Variants in RAD51B observed in about 807,000 individuals in gnomAD.
RAD51B encodes DNA repair protein RAD51 homolog 2.
In RAD51B, 38 loss-of-function variants were observed where a neutral mutation model predicts 42.2. The observed-to-expected ratio is 0.90, with a 90% CI of 0.70 to 1.18. The LOEUF (loss-of-function observed/expected upper bound fraction) is 1.18. Ranked by LOEUF, RAD51B falls within the 50% of genes most tolerant of loss-of-function variation. RAD51B has a pLI of 0.00. For missense variants in RAD51B, 373 were observed against 400.7 expected (o/e 0.93, Z 0.59); for synonymous variants, 154 against 145.2 (o/e 1.06, Z -0.43).
chr14:68,520,997 C>T (rs1886537692), intron 10 of RAD51B, among the ~76,000 whole-genome samples: 1 of 152,048 alleles, frequency 6.6e-6, no homozygotes, highest in African/African-American at 2.4e-5. Context: ...GGGGTAAGGG[C>T]ACATGGAGCG....
chr14:68,309,097 A>G (rs2081922638), intron 8 of RAD51B, among the ~76,000 whole-genome samples: 2 of 152,322 alleles, frequency 1.3e-5, no homozygotes, highest in Admixed American at 1.3e-4. Flanking sequence ...TGGGCGTTTC[A>G]TATTTATCTC....
Position 67,855,336 on chromosome 14 carries a change from T to C in RAD51B, c.316-9667T>C, listed in dbSNP as rs565970949. 1.8e-4 allele frequency among the ~76,000 whole-genome samples: 27 copies of C among 152,044 alleles called. No individual in the cohort carries two copies. The South Asian group carries it at 5.6e-3, about 32-fold the overall frequency. On this transcript the variant is annotated intron_variant, in intron 4 of 10. Coordinates refer to ENST00000471583, the MANE Select transcript of RAD51B (RefSeq NM_133510.4). ...AGCTCCGCCTCCCGGGTTCATGCCA[T>C]TCTCCTGCCTCAGCCTCCCCAGCAG...
In RAD51B at chr14:68,502,365, G is replaced by T. The variant is rs1871339960; in HGVS notation, c.1036+34115G>T. ...TGATCAAAGCCTGCTGCAGAAGGGA[G>T]GGGGGCGCACAGCTGCAGTTCCGAC... is the stretch of plus-strand genomic sequence containing the variant. On this transcript the variant is annotated intron_variant, in intron 10 of 10. Transcript: ENST00000487270. Among the ~76,000 whole-genome samples, 3 of 152,170 alleles carry T rather than the reference G, an allele frequency of 2.0e-5. No homozygotes were observed. The South Asian group carries it at 6.2e-4, about 32-fold the overall frequency.
chr14:68,425,975 T>TCTTTCTTTCTTTCTTTTTCTTC (rs1555407995), intron 9 of RAD51B, among the ~76,000 whole-genome samples: 1 of 86,030 alleles, frequency 1.2e-5, no homozygotes, highest in African/African-American at 4.3e-5. Flanking sequence ...TTTCTTTCTT[T>TCTTTCTTTCTTTCTTTTTCTTC]CTTCCTTCCT....
At chr14:67,973,575 A>G (rs1278336256) in intron 7 of RAD51B, among the ~76,000 whole-genome samples, 1 of 152,120 alleles carries the variant, frequency 6.6e-6, no homozygotes, top group Non-Finnish European at 1.5e-5. Flanking sequence ...CCCAAATCCA[A>G]ACCACATAGG....
intron 8 of RAD51B, among the ~76,000 whole-genome samples, chr14:68,329,589 A>G (rs905025359): frequency 6.6e-6 from 1 of 152,232 alleles, no homozygotes; most frequent in African/African-American, 2.4e-5. Flanking sequence ...TGGTATCTGT[A>G]ATTAAATATT....
intron 10 of RAD51B, among the ~76,000 whole-genome samples, chr14:68,587,825 G>T (rs1399367557): frequency 6.6e-6 from 1 of 152,228 alleles, no homozygotes; most frequent in Non-Finnish European, 1.5e-5. Context: ...GGGCTGCACA[G>T]TGTGGCTTTT....
chr14:68,682,974 G>A (rs1893468259), intron 11 of RAD51B: 1 of 991,998 alleles, frequency 1.0e-6, no homozygotes, highest in African/African-American at 1.8e-5. Context: ...AAGGAAGCCA[G>A]GAGAAAGCCA....
intron 7 of RAD51B, among the ~76,000 whole-genome samples, chr14:68,218,317 T>C (rs541759049): frequency 4.1e-4 from 62 of 152,332 alleles, no homozygotes; most frequent in Non-Finnish European, 7.1e-4. Flanking sequence ...AGGAAAAAGA[T>C]ATAATATTGC....
At chr14:68,561,435 C>T (rs531426615) in intron 10 of RAD51B, among the ~76,000 whole-genome samples, 1 of 152,330 alleles carries the variant, frequency 6.6e-6, no homozygotes, top group African/African-American at 2.4e-5. Flanking sequence ...CTTAATTCTA[C>T]AGCAGGCATG....
downstream of RAD51B, among the ~76,000 whole-genome samples, chr14:68,613,676 G>A (rs28704805): frequency 2.4e-3 from 357 of 151,846 alleles, no homozygotes; most frequent in Non-Finnish European, 3.4e-3. Flanking sequence ...GGATGGTCTC[G>A]ATCTCCTGAC....
chr14:67,985,199 C>G (rs1032964461), intron 7 of RAD51B, among the ~76,000 whole-genome samples: 6 of 152,166 alleles, frequency 3.9e-5, no homozygotes, highest in African/African-American at 1.4e-4. Flanking sequence ...TAACATTTTG[C>G]CATATCTCCT....
At chr14:68,242,271 C>T (rs114442321) in intron 7 of RAD51B, among the ~76,000 whole-genome samples, 3,101 of 152,278 alleles carry the variant, frequency 0.02, 96 homozygotes, top group African/African-American at 0.065. Flanking sequence ...AAGGTACGCT[C>T]CGTAGCTGTC....
intron 8 of RAD51B, among the ~76,000 whole-genome samples, chr14:68,387,357 GT>G (rs917605022): frequency 7.3e-4 from 111 of 152,298 alleles, no homozygotes; most frequent in African/African-American, 2.6e-3. Flanking sequence ...CTAGACTTTG[GT>G]TCATTTGTTC....
chr14:68,145,372 G>A (rs1000919545), intron 7 of RAD51B, among the ~76,000 whole-genome samples: 35 of 152,300 alleles, frequency 2.3e-4, no homozygotes, highest in South Asian at 2.1e-4. Flanking sequence ...ACCTACGGGC[G>A]GGGTACATTA....
chr14:68,339,382 C>G (rs1387898468), intron 8 of RAD51B: 2 of 977,880 alleles, frequency 2.0e-6, no homozygotes, highest in Admixed American at 1.9e-5. Context: ...CGGGTGAGGT[C>G]TCTTTGGGGC....
chr14:68,497,642 C>A, intron 10 of RAD51B: 1 of 655,606 alleles, frequency 1.5e-6, no homozygotes, highest in Non-Finnish European at 2.0e-6. Flanking sequence ...ATATTTTCAT[C>A]ACCCCAAAAG....
At chr14:68,626,090 C>T (rs536794654) in intron 10 of RAD51B, among the ~76,000 whole-genome samples, 1 of 152,336 alleles carries the variant, frequency 6.6e-6, no homozygotes, top group South Asian at 2.1e-4. Context: ...AACAGCTTGA[C>T]AAATCTGTCA....
chr14:68,355,287 A>G (rs1162973008), intron 8 of RAD51B, among the ~76,000 whole-genome samples: 1 of 152,236 alleles, frequency 6.6e-6, no homozygotes, highest in African/African-American at 2.4e-5. Flanking sequence ...GGTTAGCTCC[A>G]ATATCCTCAA....
Sources: gnomAD v4.1 joint callset for allele counts (sites outside exome capture counted in the v4.1 genomes callset) on GRCh38, gnomAD v4.1.1 for gene constraint, MANE v1.5 for transcripts, NCBI Gene and HGNC (gene_info 2026-07-23, HGNC 2026-07-21) for gene names.